Variants in CCDC171 observed in about 807,000 individuals in gnomAD.
The protein encoded by CCDC171 is coiled-coil domain containing 171.
A neutral mutation model predicts 168.2 loss-of-function variants in CCDC171; 177 were observed. The ratio of observed to expected loss-of-function variants is 1.05; its 90% CI spans 0.93 to 1.19. The LOEUF (loss-of-function observed/expected upper bound fraction) is 1.19. CCDC171 is among the 50% of genes most tolerant of loss of function. CCDC171 has a pLI of 0.00. For missense variants in CCDC171, 1,991 were observed against 1,539.0 expected (o/e 1.29, Z -4.91); for synonymous variants, 687 against 540.8 (o/e 1.27, Z -3.75).
At chr9:15,743,411 A>G (rs991668242) in intron 16 of CCDC171, among the ~76,000 whole-genome samples, 5 of 151,816 alleles carry the variant, frequency 3.3e-5, no homozygotes, top group Admixed American at 6.6e-5. Context: ...AGCTCAAGCA[A>G]TCCTCTTGCC....
In CCDC171 at chr9:15,721,844, AC is replaced by A; in HGVS notation, c.1396del (p.Gln466ArgfsTer24). ...AGATTGAGGCGTACCTTGACAGATT[AC>A]CAGAACAAGCTGGAAGATGCATCTA... The part of the protein sequence containing the change: ...LERLRRTLTD[Y>X]QNKLEDASNE... On this transcript the variant is annotated frameshift_variant, in exon 12 of 26. Coordinates refer to ENST00000380701, the MANE Select transcript of CCDC171 (RefSeq NM_173550.4). LOFTEE classifies it high-confidence loss of function. 1 of 1,557,090 alleles carries A rather than the reference AC, an allele frequency of 6.4e-7. No individual in the cohort carries two copies. Among genetic ancestry groups the A allele is most frequent in the Non-Finnish European group, 8.7e-7 (1 of 1,149,734 alleles).
intron 7 of CCDC171, among the ~76,000 whole-genome samples, chr9:15,629,509 A>C (rs961773565): frequency 2.0e-5 from 3 of 152,242 alleles, no homozygotes; most frequent in African/African-American, 7.2e-5. Flanking sequence ...CAAAGCCTCC[A>C]GGAAATATGG....
intron 11 of CCDC171, among the ~76,000 whole-genome samples, chr9:15,706,124 C>G (rs1564252618): frequency 6.6e-6 from 1 of 152,176 alleles, no homozygotes; most frequent in Non-Finnish European, 1.5e-5. Context: ...AATTGAAGCA[C>G]TACAGTTGCT....
intron 18 of CCDC171, among the ~76,000 whole-genome samples, chr9:15,765,578 T>G (rs184880252): frequency 6.6e-6 from 1 of 152,306 alleles, no homozygotes; most frequent in African/African-American, 2.4e-5. Flanking sequence ...TATTTTCTGC[T>G]TGCTACTATT....
chr9:15,755,712 C>T (rs1020015481), intron 18 of CCDC171, among the ~76,000 whole-genome samples: 1 of 152,162 alleles, frequency 6.6e-6, no homozygotes, highest in African/African-American at 2.4e-5. Context: ...TCACATATTG[C>T]ATGATTCCAT....
intron 6 of CCDC171, among the ~76,000 whole-genome samples, chr9:16,024,543 G>T (rs903983773): frequency 1.3e-5 from 2 of 152,206 alleles, no homozygotes; most frequent in African/African-American, 4.8e-5. Context: ...ACCACCAGAA[G>T]CCAGAGCAGA....
Position 15,670,602 on chromosome 9 carries a change from A to G in CCDC171, c.1076+4279A>G, listed in dbSNP as rs75371316. ...TATTGGCTTCTACTTATATATCTCT[A>G]TTATATGCTTCTCCCACACCACAGA... On this transcript the variant is annotated intron_variant, in intron 9 of 25. Coordinates refer to ENST00000380701, the MANE Select transcript of CCDC171 (RefSeq NM_173550.4). Among the ~76,000 whole-genome samples the G allele has an allele frequency of 5.2e-3, 788 of 152,072 alleles. 6 individuals carry two copies. Among genetic ancestry groups the G allele is most frequent in the African/African-American group, 0.019 (770 of 41,496 alleles).
chr9:16,003,998 T>G (rs1010843657), intron 3 of CCDC171, among the ~76,000 whole-genome samples: 5 of 152,258 alleles, frequency 3.3e-5, no homozygotes, highest in African/African-American at 1.2e-4. Flanking sequence ...GCCTTTTACC[T>G]CTCACTGCAG....
chr9:15,924,867 T>G (rs1445046051), intron 25 of CCDC171, among the ~76,000 whole-genome samples: 2 of 151,616 alleles, frequency 1.3e-5, no homozygotes, highest in Non-Finnish European at 3.0e-5. Context: ...TTATGCAACA[T>G]CAGGTCTTTA....
the CCDC171 span, among the ~76,000 whole-genome samples, chr9:16,072,470 C>T: frequency 6.6e-6 from 1 of 152,144 alleles, no homozygotes; most frequent in African/African-American, 2.4e-5. Context: ...CTTATCTTAC[C>T]TTGAGTAGCC....
At chr9:15,764,239 T>C (rs2056604109) in intron 18 of CCDC171, among the ~76,000 whole-genome samples, 1 of 152,222 alleles carries the variant, frequency 6.6e-6, no homozygotes, top group South Asian at 2.1e-4. Flanking sequence ...TTAGATTTTA[T>C]TCAGGATAAG....
chr9:15,662,979 TCAACAACAACAACAACAACAACAACAA>T (rs139672521), intron 8 of CCDC171, among the ~76,000 whole-genome samples: 1 of 150,122 alleles, frequency 6.7e-6, no homozygotes, highest in African/African-American at 2.5e-5. Flanking sequence ...AGACTTCGTC[TCAACAACAACAACAACAACAACAACAA>T]CAACAACAAC....
chr9:15,751,853 A>AT (rs1161407705), intron 18 of CCDC171, among the ~76,000 whole-genome samples: 2 of 152,170 alleles, frequency 1.3e-5, no homozygotes, highest in Non-Finnish European at 2.9e-5. Context: ...GCATGGGCAA[A>AT]GACTTCATGA....
At chr9:15,951,756 G>A (rs73411556) in intron 25 of CCDC171, among the ~76,000 whole-genome samples, 2,799 of 152,072 alleles carry the variant, frequency 0.018, 98 homozygotes, top group African/African-American at 0.065. Context: ...ATATATTCTG[G>A]ATATAAATCC....
At position 15,594,097 on chromosome 9, in the gene CCDC171, GACAGCATTGGAGGAGTTTAGATT is replaced by G; in HGVS notation, c.604_626del (p.Ala202ArgfsTer27). On this transcript the variant is annotated frameshift_variant, in exon 6 of 26. Coordinates refer to ENST00000380701, the MANE Select transcript of CCDC171 (RefSeq NM_173550.4). LOFTEE classifies it high-confidence loss of function. ...ATGAGATGGAGTCTCATATCAGGGAGACAGCATTGGAGGAGTTTAGATTACAAGAAGAACAATGGGAAGCAGAA... is the reference window on the plus strand; with the variant it reads ...ATGAGATGGAGTCTCATATCAGGGAGACAAGAAGAACAATGGGAAGCAGAA... The G allele has an allele frequency of 1.3e-6, 2 of 1,568,348 alleles. No homozygotes were observed. Among genetic ancestry groups the G allele is most frequent in the Non-Finnish European group, 1.8e-6 (2 of 1,142,246 alleles).
downstream of CCDC171, among the ~76,000 whole-genome samples, chr9:15,974,196 G>A (rs532138518): frequency 3.3e-5 from 5 of 151,870 alleles, no homozygotes; most frequent in Admixed American, 1.3e-4. Context: ...CCTCCTGAGC[G>A]ATCATTAGTA....
intron 7 of CCDC171, among the ~76,000 whole-genome samples, chr9:15,644,518 C>G (rs575846976): frequency 6.6e-6 from 1 of 152,244 alleles, no homozygotes; most frequent in Non-Finnish European, 1.5e-5. Context: ...ACAGATGGCA[C>G]CTGGAAAATC....
At chr9:15,667,644 T>C (rs1426549376) in intron 9 of CCDC171, among the ~76,000 whole-genome samples, 1 of 151,904 alleles carries the variant, frequency 6.6e-6, no homozygotes, top group Non-Finnish European at 1.5e-5. Context: ...AGACTGCATC[T>C]CAAAAAAAAG....
At chr9:15,739,540 A>C (rs1323265638) in intron 16 of CCDC171, among the ~76,000 whole-genome samples, 1 of 152,216 alleles carries the variant, frequency 6.6e-6, no homozygotes, top group African/African-American at 2.4e-5. Context: ...AAACTGTGCC[A>C]ACCTCATAGT....
Sources: gnomAD v4.1 joint callset for allele counts (sites outside exome capture counted in the v4.1 genomes callset) on GRCh38, gnomAD v4.1.1 for gene constraint, MANE v1.5 for transcripts, NCBI Gene and HGNC (gene_info 2026-07-23, HGNC 2026-07-21) for gene names.